ZNF737: variants seen among roughly 807,000 people sequenced by gnomAD.
ZNF737 encodes the protein zinc finger protein 737, also known as zinc finger protein 102 (Y3).
In ZNF737, 13 loss-of-function variants were observed where a neutral mutation model predicts 11.7. The observed-to-expected ratio is 1.11, with a 90% CI of 0.73 to 1.77. The LOEUF is 1.77. ZNF737 is among the 40% of genes most tolerant of loss of function. The pLI is 0.00. For missense variants in ZNF737, 636 were observed against 638.0 expected, an observed-to-expected ratio of 1.00 and a Z score of 0.03; for synonymous variants, 217 against 216.2, an observed-to-expected ratio of 1.00 and a Z score of -0.03.
chr19:20,549,708 T>A (rs1555757923), intron 3 of ZNF737, among the ~76,000 whole-genome samples: 2 of 150,894 alleles, frequency 1.3e-5, no homozygotes, highest in Non-Finnish European at 2.9e-5. Flanking sequence ...GATGAGCAGA[T>A]CACCTGAGGT....
In ZNF737 at chr19:20,538,740, G is replaced by C; in HGVS notation, c.*5852C>G. ...TGGAGGCACCACACTGCACATCAAT[G>C]CTTTCCACATGCACCCAATAGAGTC... On this transcript the variant is annotated 3_prime_UTR_variant, in exon 4 of 4. Transcript: ENST00000427401. The C allele has an allele frequency of 1.0e-6, 1 of 985,316 alleles. No individual in the cohort carries two copies. The highest frequency in any genetic ancestry group is 1.1e-4 in the East Asian group (1 of 8,816). 61.0% of individuals were successfully genotyped at this position (985,316 alleles called of 1,614,324 possible).
intron 1 of ZNF737, among the ~76,000 whole-genome samples, chr19:20,563,317 G>T (rs1167749478): frequency 1.3e-5 from 2 of 149,894 alleles, no homozygotes; most frequent in Admixed American, 1.3e-4. Context: ...AAAAAACTGA[G>T]TCTTTAGTAA....
In ZNF737 at chr19:20,544,860, G is replaced by T. The variant is rs201066758; in HGVS notation, c.1343C>A (p.Thr448Asn). The change falls in exon 4 of 4, where the codon ACT (threonine) becomes AAT (asparagine). Residue 448 changes from threonine (T) to asparagine (N), a missense_variant. Coordinates refer to ENST00000427401, the MANE Select transcript of ZNF737 (RefSeq NM_001159293.2). ...SILTTHKRIH[T>N]GEKPYKCEEC... ...TTCACATTTGTAGGGTTTCTCTCCA[G>T]TATGAATTCTCTTATGTGTAGTAAG... 1.9e-5 allele frequency: 30 copies of T among 1,610,732 alleles called. No homozygotes were observed. The highest frequency in any genetic ancestry group is 2.5e-5 in the Non-Finnish European group (30 of 1,179,226).
At position 20,542,768 on chromosome 19, in the gene ZNF737, TA is replaced by T. The variant is rs1436272372; in HGVS notation, c.*1823del. ...TCTTACTATTTTATAGAAAAAGTCA[TA>T]ATGTCCAAATAATGTAAAAAAATCG... On this transcript the variant is annotated 3_prime_UTR_variant, in exon 4 of 4. Coordinates refer to ENST00000427401, the MANE Select transcript of ZNF737 (RefSeq NM_001159293.2). The T allele has an allele frequency of 2.0e-6, 2 of 984,902 alleles. No individual in the cohort carries two copies. Among genetic ancestry groups the T allele is most frequent in the African/African-American group, 3.5e-5 (2 of 57,172 alleles). 61.0% of individuals were successfully genotyped at this position (984,902 alleles called of 1,614,324 possible).
rs1294406400 is a variant in ZNF737 at position 20,545,861 on chromosome 19, T to C, written c.342A>G (p.Lys114=). ...ACTCATCTACACTTTCACAGCCCTT[T>C]TTAAACTGTAAATTGTCATGTCCAT... The part of the protein sequence containing the change: ...ENYGHDNLQF[K]KGCESVDECK... Residue 114 remains lysine (K), a synonymous_variant, in exon 4 of 4, where the codon AAA becomes AAG. Coordinates refer to ENST00000427401, the MANE Select transcript of ZNF737 (RefSeq NM_001159293.2). 5.6e-6 allele frequency: 9 copies of C among 1,613,242 alleles called. No homozygotes were observed. Among genetic ancestry groups the C allele is most frequent in the Non-Finnish European group, 6.8e-6 (8 of 1,179,834 alleles).
At chr19:20,555,230 TGG>T (rs1968845336) in intron 1 of ZNF737, among the ~76,000 whole-genome samples, 1 of 151,102 alleles carries the variant, frequency 6.6e-6, no homozygotes, top group Non-Finnish European at 1.5e-5. Flanking sequence ...TTGCCCAGGC[TGG>T]AGTGCAGTGG....
chr19:20,551,131 G>A (rs2562639), intron 3 of ZNF737: 92,673 of 152,024 alleles, frequency 0.61, 28,642 homozygotes, highest in East Asian at 0.75. Flanking sequence ...CTACATAGAA[G>A]CCCACACAAT....
chr19:20,563,144 T>C (rs574022042), intron 1 of ZNF737, among the ~76,000 whole-genome samples: 1 of 24,052 alleles, frequency 4.2e-5, no homozygotes, highest in Non-Finnish European at 9.1e-5. Flanking sequence ...ACATAACAAC[T>C]TCATCATCAA....
At chr19:20,557,164 C>T (rs1555761382) in intron 1 of ZNF737, among the ~76,000 whole-genome samples, 1 of 152,154 alleles carries the variant, frequency 6.6e-6, no homozygotes, top group African/African-American at 2.4e-5. Context: ...AAATAAATGT[C>T]TCCGCAAGCA....
rs1968715860 is a variant in ZNF737, at chr19:20,552,473, A to G, written c.226+2T>C. On this transcript the variant is annotated splice_donor_variant, in intron 3 of 3. Transcript: ENST00000427401. LOFTEE classifies it high-confidence loss of function. ...GCTATATTCATTTTCACTTGCACCT[A>G]CCTGAGGGGTTGGCTACCATCTCAT... The G allele has an allele frequency of 8.2e-6, 13 of 1,579,810 alleles. No individual in the cohort carries two copies. Among genetic ancestry groups the G allele is most frequent in the Non-Finnish European group, 1.1e-5 (13 of 1,167,326 alleles).
At chr19:20,552,211 G>A (rs536624585) in intron 3 of ZNF737, among the ~76,000 whole-genome samples, 2 of 151,802 alleles carry the variant, frequency 1.3e-5, no homozygotes, top group African/African-American at 4.8e-5. Flanking sequence ...TATATGCCAT[G>A]AAGAGGACTC....
At position 20,545,782 on chromosome 19, in the gene ZNF737, G is replaced by T. The variant is rs1968433161; in HGVS notation, c.421C>A (p.Gln141Lys). 4 of 1,612,872 alleles carry T rather than the reference G, an allele frequency of 2.5e-6. No individual in the cohort carries two copies. Among genetic ancestry groups the T allele is most frequent in the Non-Finnish European group, 3.4e-6 (4 of 1,179,598 alleles). ...TTATCACACTGAAATATTTTGCTTT[G>T]AGTAGTTGTCAAATATTGGTTAAGT... The part of the protein sequence containing the change: ...NGLNQYLTTT[Q>K]SKIFQCDKYV... Residue 141 changes from glutamine to lysine, a missense_variant, in exon 4 of 4, where the codon CAA (glutamine) becomes AAA (lysine). Gln to Lys is a moderately conservative substitution (Grantham distance 53). Coordinates refer to ENST00000427401, the MANE Select transcript of ZNF737 (RefSeq NM_001159293.2).
chr19:20,534,455 A>C (rs55862753), downstream of ZNF737, among the ~76,000 whole-genome samples: 400 of 86,100 alleles, frequency 4.6e-3, 25 homozygotes, highest in African/African-American at 0.013. Context: ...AAGAAAAAAT[A>C]TCTATCTATC....
Position 20,540,188 on chromosome 19 carries a change from C to T in ZNF737, c.*4404G>A, listed in dbSNP as rs1392992501. ...CATAAGCAGCTTACAACATGTTCTA[C>T]CTAGAAGTCACTTACTTTCAGGCCA... On this transcript the variant is annotated 3_prime_UTR_variant, in exon 4 of 4. Coordinates refer to ENST00000427401, the MANE Select transcript of ZNF737 (RefSeq NM_001159293.2). 1.0e-6 allele frequency: 1 copy of T among 984,246 alleles called. No homozygotes were observed. The highest frequency in any genetic ancestry group is 1.2e-6 in the Non-Finnish European group (1 of 828,890). 61.0% of individuals were successfully genotyped at this position (984,246 alleles called of 1,614,324 possible). A position where few individuals can be genotyped will look rare whatever the true frequency, so the allele number is the denominator to read the frequency against.
At chr19:20,559,514 A>G (rs182285735) in intron 1 of ZNF737, among the ~76,000 whole-genome samples, 4 of 152,246 alleles carry the variant, frequency 2.6e-5, no homozygotes, top group Admixed American at 6.5e-5. Flanking sequence ...ACTAATCACT[A>G]GAGAAATTAA....
chr19:20,564,349 C>G (rs1412367208), intron 1 of ZNF737, among the ~76,000 whole-genome samples: 1 of 152,152 alleles, frequency 6.6e-6, no homozygotes, highest in Non-Finnish European at 1.5e-5. Flanking sequence ...GTTGACGAAT[C>G]TATGTAACTC....
In ZNF737 at chr19:20,545,683, T is replaced by G; in HGVS notation, c.520A>C (p.Lys174Gln). 6.2e-7 allele frequency: 1 copy of G among 1,613,636 alleles called. No individual in the cohort carries two copies. Residue 174 changes from lysine (K) to glutamine (Q), a missense_variant, in exon 4 of 4, where the codon AAA becomes CAA. Coordinates refer to ENST00000427401, the MANE Select transcript of ZNF737 (RefSeq NM_001159293.2). ...AAAGCTTTGCCACATTCTATACATT[T>G]GAAAGGTTTTTTTCCAGTATGTCTT... is the stretch of plus-strand genomic sequence containing the variant. ...KIRHTGKKPF[K>Q]CIECGKAFNQ...
At chr19:20,530,900 G>C (rs1200147725), downstream of ZNF737, among the ~76,000 whole-genome samples, 430 of 147,838 alleles carry the variant, frequency 2.9e-3, 19 homozygotes, top group African/African-American at 0.01. Flanking sequence ...AGGTTGTAGC[G>C]AGCCGAGATC....
chr19:20,546,263 C>T (rs539173484), intron 3 of ZNF737, among the ~76,000 whole-genome samples: 1 of 152,282 alleles, frequency 6.6e-6, no homozygotes, highest in Admixed American at 6.5e-5. Flanking sequence ...CCCAACAGAG[C>T]TCTTCCTGCT....
Sources: allele counts gnomAD v4.1 joint callset (sites outside exome capture counted in the v4.1 genomes callset), GRCh38; gene constraint gnomAD v4.1.1; transcripts MANE v1.5; gene names NCBI Gene and HGNC (gene_info 2026-07-23, HGNC 2026-07-21).